NR2C2: variants seen among roughly 807,000 people sequenced by gnomAD.
NR2C2 encodes the protein nuclear receptor subfamily 2 group C member 2, also known as Nuclear hormone receptor TR4.
In NR2C2, 6 loss-of-function variants were observed where a neutral mutation model predicts 62.9. The observed-to-expected ratio is 0.10, with a 90% CI of 0.05 to 0.19. NR2C2 has a LOEUF of 0.19. Among genes scored for constraint, NR2C2 ranks in the 10% least tolerant of loss-of-function variants. The pLI is 1.00. For synonymous variants in NR2C2, 272 were observed against 273.8 expected (o/e 0.99, Z 0.07); for missense variants, 479 against 762.7 (o/e 0.63, Z 4.38).
chr3:15,038,994 T>C (rs1400332112), intron 12 of NR2C2, 128 bp from the exon 13 acceptor site: 1 of 680,738 alleles, frequency 1.5e-6, no homozygotes, highest in African/African-American at 1.8e-5. Context: ...CCAAACTAGA[T>C]CAGTCTTTGA....
In NR2C2 at chr3:15,030,609, C is replaced by G. The variant is rs146510820; in HGVS notation, c.1110+157C>G. ...TCGGGAGGCCAAGGCACGTGGATCA[C>G]TTCAGCTCAGGAGTTCAAGACCAGC... On this transcript the variant is annotated intron_variant, in intron 9 of 13. Transcript: ENST00000425241. Among the ~76,000 whole-genome samples, 703 of 152,258 alleles carry G rather than the reference C, an allele frequency of 4.6e-3. 3 individuals are homozygous for G. Among genetic ancestry groups the G allele is most frequent in the African/African-American group, 0.016 (675 of 41,536 alleles).
intron 1 of NR2C2, among the ~76,000 whole-genome samples, chr3:14,968,359 A>T (rs1161747466): frequency 6.6e-6 from 1 of 152,222 alleles, no homozygotes; most frequent in Non-Finnish European, 1.5e-5. Context: ...GAAGACATTT[A>T]TGCAGCCAAA....
In NR2C2 at chr3:14,977,093, G is replaced by A. The variant is rs537470826; in HGVS notation, c.-39-26783G>A. Among the ~76,000 whole-genome samples the A allele has an allele frequency of 1.6e-4, 25 of 152,082 alleles. 1 individual carries two copies. The South Asian group carries it at 2.9e-3, about 18-fold the overall frequency. ...TCAGTTTTTTTCTAGTCTCTTTTCAGAACAACTAATTAGTTGGATTTTGGG... is the reference window on the plus strand; with the variant it reads ...TCAGTTTTTTTCTAGTCTCTTTTCAAAACAACTAATTAGTTGGATTTTGGG... On this transcript the variant is annotated intron_variant, in intron 1 of 13. Transcript: ENST00000425241.
rs2042522118 is a variant in NR2C2 at position 15,048,135 on chromosome 3, A to G, written c.*5127A>G. The G allele has an allele frequency of 6.5e-6, 1 of 152,678 alleles. No individual in the cohort carries two copies. Among genetic ancestry groups the G allele is most frequent in the Admixed American group, 6.5e-5 (1 of 15,284 alleles). The allele number at this position is 152,678 out of a possible 1,614,324, so 9.5% of individuals were successfully genotyped here. ...AAAATAAGTTATCAAAATGTTTTAA[A>G]AACACTTTATGAGACCATAGTACTC... On this transcript the variant is annotated 3_prime_UTR_variant, in exon 14 of 14. Coordinates refer to ENST00000425241, the MANE Select transcript of NR2C2 (RefSeq NM_001291694.2).
intron 1 of NR2C2, chr3:14,948,545 CG>C: frequency 1.8e-5 from 1 of 56,508 alleles, no homozygotes; most frequent in Non-Finnish European, 3.4e-5. Context: ...GGAGCCCTGG[CG>C]GGGCGGGAGT....
At chr3:15,002,970 T>C (rs1412986460) in intron 1 of NR2C2, among the ~76,000 whole-genome samples, 1 of 149,596 alleles carries the variant, frequency 6.7e-6, no homozygotes, top group African/African-American at 2.5e-5. Context: ...CAATACACTT[T>C]TTTTTTTTTC....
At chr3:15,033,687 T>G (rs373856330) in intron 10 of NR2C2, among the ~76,000 whole-genome samples, 2 of 148,652 alleles carry the variant, frequency 1.3e-5, no homozygotes, top group African/African-American at 5.0e-5. Context: ...AGTCCACAGT[T>G]AATAGTACTG....
Position 15,023,448 on chromosome 3 carries a change from A to G in NR2C2, c.704+101A>G, listed in dbSNP as rs1416052426. On this transcript the variant is annotated intron_variant, in intron 6 of 13. Transcript: ENST00000425241. ...TGTTGTGGCTTCCCACCCATCTGCC[A>G]TAGCCTCCAGCGTTGTGTTGCCTAA... The G allele has an allele frequency of 2.2e-6, 3 of 1,348,140 alleles. No individual in the cohort carries two copies. In the African/African-American group the frequency reaches 4.3e-5, roughly 19 times the overall value. The allele number at this position is 1,348,140 out of a possible 1,614,324, so 83.5% of individuals were successfully genotyped here. A position where few individuals can be genotyped will look rare whatever the true frequency, so the allele number is the denominator to read the frequency against.
At chr3:14,959,594 G>A (rs1027051143) in intron 1 of NR2C2, 2 of 152,110 alleles carry the variant, frequency 1.3e-5, no homozygotes, top group Non-Finnish European at 2.9e-5. Flanking sequence ...TGTTGATGAT[G>A]CCTGATGCTG....
intron 6 of NR2C2, 96 bp downstream of exon 6, chr3:15,023,443 C>T: frequency 7.4e-7 from 1 of 1,360,418 alleles, no homozygotes; most frequent in Non-Finnish European, 1.0e-6. Flanking sequence ...TCCCACCCAT[C>T]TGCCATAGCC....
intron 2 of NR2C2, among the ~76,000 whole-genome samples, chr3:15,012,647 A>T (rs925430453): frequency 6.6e-6 from 1 of 152,208 alleles, no homozygotes; most frequent in African/African-American, 2.4e-5. Context: ...CAGCAGCAGC[A>T]GCTCAAGAGT....
intron 3 of NR2C2, among the ~76,000 whole-genome samples, chr3:15,014,771 C>T (rs143924957): frequency 5.9e-5 from 9 of 152,276 alleles, no homozygotes; most frequent in African/African-American, 2.2e-4. Flanking sequence ...TTCACCCATC[C>T]ATGTTGTAGC....
chr3:14,990,489 G>A (rs17040625), intron 1 of NR2C2, among the ~76,000 whole-genome samples: 6,230 of 152,258 alleles, frequency 0.041, 439 homozygotes, highest in African/African-American at 0.14. Flanking sequence ...TTGACCTTCC[G>A]CAGAGCTGGG....
At chr3:15,039,536 G>A (rs2042196009) in intron 13 of NR2C2, among the ~76,000 whole-genome samples, 1 of 152,192 alleles carries the variant, frequency 6.6e-6, no homozygotes, top group Non-Finnish European at 1.5e-5. Flanking sequence ...AATTGGAGGA[G>A]TTGGAACAGA....
chr3:15,033,358 G>A (rs1024317621), intron 10 of NR2C2, among the ~76,000 whole-genome samples: 2 of 152,170 alleles, frequency 1.3e-5, no homozygotes, highest in Admixed American at 1.3e-4. Flanking sequence ...CCTCGCGTGG[G>A]TTTCAGATCT....
chr3:14,951,066 G>T (rs983768285), intron 1 of NR2C2, among the ~76,000 whole-genome samples: 5 of 152,208 alleles, frequency 3.3e-5, no homozygotes, highest in Admixed American at 2.6e-4. Context: ...AAGTTCATAT[G>T]TGAAGAAATA....
intron 1 of NR2C2, among the ~76,000 whole-genome samples, chr3:14,993,528 C>A (rs1354366624): frequency 1.3e-5 from 2 of 152,008 alleles, no homozygotes; most frequent in Non-Finnish European, 2.9e-5. Context: ...AATTATCAGA[C>A]TGTAAATTCA....
At chr3:14,967,347 G>T (rs1466573006) in intron 1 of NR2C2, among the ~76,000 whole-genome samples, 1 of 151,074 alleles carries the variant, frequency 6.6e-6, no homozygotes, top group African/African-American at 2.4e-5. Context: ...TCTATTTTCT[G>T]TTTCTTTAAT....
chr3:15,030,696 C>T (rs556345261), intron 9 of NR2C2, among the ~76,000 whole-genome samples: 13 of 152,186 alleles, frequency 8.5e-5, no homozygotes, highest in South Asian at 8.3e-4. Context: ...GGCATGGAGG[C>T]GCATGCCTGT....
Sources: allele counts gnomAD v4.1 joint callset (sites outside exome capture counted in the v4.1 genomes callset), GRCh38; gene constraint gnomAD v4.1.1; transcripts MANE v1.5; gene names NCBI Gene and HGNC (gene_info 2026-07-23, HGNC 2026-07-21).